The following GPR19 variants were observed in gnomAD, a reference collection of about 807,000 sequenced individuals.
GPR19 encodes the protein probable G protein-coupled receptor 19.
Under a neutral mutation model 28.5 loss-of-function variants are expected in GPR19, and 14 were observed. The ratio of observed to expected loss-of-function variants is 0.49; its 90% CI spans 0.32 to 0.77. The LOEUF (loss-of-function observed/expected upper bound fraction) is 0.77, where lower values mean the gene tolerates loss of function less well. Among genes scored for constraint, GPR19 ranks in the 30% least tolerant of loss-of-function variants. The pLI is 0.03. For synonymous variants in GPR19, 173 were observed against 184.1 expected (o/e 0.94, Z 0.49); for missense variants, 409 against 504.1 (o/e 0.81, Z 1.81).
the GPR19 span, among the ~76,000 whole-genome samples, chr12:12,708,194 C>T: frequency 6.6e-6 from 1 of 151,434 alleles, no homozygotes; most frequent in African/African-American, 2.4e-5. Context: ...GAGATGGGGT[C>T]TCGCTATTTG....
chr12:12,692,237 T>A (rs1348403100), intron 2 of GPR19, among the ~76,000 whole-genome samples: 1 of 152,282 alleles, frequency 6.6e-6, no homozygotes, highest in Admixed American at 6.5e-5. Flanking sequence ...AAACTCTACT[T>A]CTATGAATTT....
upstream of GPR19, among the ~76,000 whole-genome samples, chr12:12,699,518 C>T (rs1946303958): frequency 6.6e-6 from 1 of 151,730 alleles, no homozygotes; most frequent in Admixed American, 6.6e-5. Context: ...TGGCACAGGC[C>T]CATGCCTATA....
upstream of GPR19, among the ~76,000 whole-genome samples, chr12:12,696,733 C>T (rs560528605): frequency 2.0e-5 from 3 of 152,328 alleles, no homozygotes; most frequent in Admixed American, 2.0e-4. Context: ...CGCTGTGTCG[C>T]GGTTCTCGCC....
chr12:12,661,835 T>C lies in GPR19; in HGVS notation c.614A>G (p.Asn205Ser). The C allele has an allele frequency of 1.9e-6, 3 of 1,614,176 alleles. No individual in the cohort carries two copies. Among genetic ancestry groups the C allele is most frequent in the Non-Finnish European group, 2.5e-6 (3 of 1,180,030 alleles). Residue 205 changes from asparagine (N) to serine (S), a missense_variant, in exon 4 of 4, where the codon AAC (asparagine) becomes AGC (serine). Coordinates refer to ENST00000651487, the MANE Select transcript of GPR19 (RefSeq NM_006143.3). This position sits in a 1 kb window ranked among gnomAD's most constrained non-coding sequence, Gnocchi z 4.2. ...VTPVLFFYGS[N>S]WDSHCNYFLP... ...GAAATAGTTACAATGACTGTCCCAG[T>C]TGGAGCCATAGAAAAAGAGCACAGG... is the stretch of plus-strand genomic sequence containing the variant.
intron 2 of GPR19, among the ~76,000 whole-genome samples, chr12:12,694,342 G>A (rs1946232090): frequency 1.3e-5 from 2 of 151,174 alleles, no homozygotes; most frequent in East Asian, 3.9e-4. Context: ...GGGTCTACAG[G>A]TGCCCACCAC....
At chr12:12,668,208 A>G (rs1423732942) in intron 3 of GPR19, among the ~76,000 whole-genome samples, 1 of 152,204 alleles carries the variant, frequency 6.6e-6, no homozygotes, top group Non-Finnish European at 1.5e-5. Context: ...CTTATGCTGA[A>G]ATTCTTTTTA....
chr12:12,701,919 CAAAAAAAA>C, the GPR19 span, among the ~76,000 whole-genome samples: 2 of 96,140 alleles, frequency 2.1e-5, no homozygotes, highest in African/African-American at 3.7e-5. Context: ...GACCCTGTCT[CAAAAAAAA>C]AAAAAAAAAA....
chr12:12,716,184 G>A, the GPR19 span, among the ~76,000 whole-genome samples: 1 of 152,202 alleles, frequency 6.6e-6, no homozygotes, highest in African/African-American at 2.4e-5. Flanking sequence ...GCAAAAGGGA[G>A]AAGAGAAACG....
At chr12:12,675,684 A>G (rs1313110648) in intron 3 of GPR19, among the ~76,000 whole-genome samples, 1 of 152,180 alleles carries the variant, frequency 6.6e-6, no homozygotes, top group Admixed American at 6.5e-5. Flanking sequence ...GCAGGGGCCC[A>G]CATAGAGGGA....
chr12:12,675,195 T>C (rs1268562987), intron 3 of GPR19, among the ~76,000 whole-genome samples: 2 of 152,100 alleles, frequency 1.3e-5, no homozygotes, highest in Non-Finnish European at 2.9e-5. Context: ...GGTTTTTTTA[T>C]AGACAAAAGA....
chr12:12,699,202 C>T (rs142518706), upstream of GPR19, among the ~76,000 whole-genome samples: 19,163 of 151,734 alleles, frequency 0.13, 1,575 homozygotes, highest in Non-Finnish European at 0.19. Context: ...ATTAGCCGGG[C>T]GTGGTGGTGC....
chr12:12,666,934 G>A (rs568865187), intron 3 of GPR19, among the ~76,000 whole-genome samples: 1 of 152,272 alleles, frequency 6.6e-6, no homozygotes, highest in African/African-American at 2.4e-5. Flanking sequence ...CTCATCTAAG[G>A]GAAAGCCAAG....
chr12:12,666,308 A>G (rs984070906), intron 3 of GPR19, among the ~76,000 whole-genome samples: 13 of 152,236 alleles, frequency 8.5e-5, no homozygotes, highest in African/African-American at 3.1e-4. Context: ...GACAGTGGAT[A>G]AGAATATTAG....
intron 2 of GPR19, among the ~76,000 whole-genome samples, chr12:12,689,639 C>T (rs1427112168): frequency 6.6e-6 from 1 of 151,960 alleles, no homozygotes; most frequent in Admixed American, 6.6e-5. Flanking sequence ...AATACATCCA[C>T]AAATTCTTTG....
chr12:12,680,505 C>A (rs1052021332), intron 3 of GPR19, among the ~76,000 whole-genome samples: 2 of 152,016 alleles, frequency 1.3e-5, no homozygotes, highest in Non-Finnish European at 2.9e-5. Flanking sequence ...TGCCCTTTTG[C>A]CTTTTATTTT....
intron 3 of GPR19, among the ~76,000 whole-genome samples, chr12:12,672,558 C>T (rs1421567674): frequency 6.6e-6 from 1 of 152,100 alleles, no homozygotes; most frequent in African/African-American, 2.4e-5. Flanking sequence ...ACCAGCCTGG[C>T]CAACATGGTG....
At chr12:12,693,650 A>G (rs1946216810) in intron 2 of GPR19, among the ~76,000 whole-genome samples, 1 of 152,226 alleles carries the variant, frequency 6.6e-6, no homozygotes, top group African/African-American at 2.4e-5. Context: ...TTCCTCCTGA[A>G]TAGAGCTCAT....
chr12:12,663,013 G>C (rs907833613), intron 3 of GPR19, among the ~76,000 whole-genome samples: 16 of 152,314 alleles, frequency 1.1e-4, no homozygotes, highest in Admixed American at 8.5e-4. Flanking sequence ...ACTTAGTGTA[G>C]ATTTTCCATC....
At chr12:12,663,386 G>A (rs973364446) in intron 3 of GPR19, among the ~76,000 whole-genome samples, 1 of 148,682 alleles carries the variant, frequency 6.7e-6, no homozygotes, top group Non-Finnish European at 1.5e-5. Flanking sequence ...AGTTGGTCCA[G>A]AAGTTTGAAT....
Sources: allele counts gnomAD v4.1 joint callset (sites outside exome capture counted in the v4.1 genomes callset), GRCh38; gene constraint gnomAD v4.1.1; non-coding constraint Gnocchi (gnomAD v3.1); transcripts MANE v1.5; gene names NCBI Gene and HGNC (gene_info 2026-07-23, HGNC 2026-07-21).